SEMA4D: variants seen among roughly 807,000 people sequenced by gnomAD.
SEMA4D encodes semaphorin-4D.
In SEMA4D, 22 loss-of-function variants were observed where a neutral mutation model predicts 74.8. That is an observed-to-expected ratio of 0.29 (90% CI 0.21 to 0.42). The LOEUF is 0.42. SEMA4D is among the 10% of genes least tolerant of loss of function. SEMA4D has a pLI of 1.00. For synonymous variants in SEMA4D, 445 were observed against 463.7 expected, an observed-to-expected ratio of 0.96 and a Z score of 0.52; for missense variants, 937 against 1,118.4, an observed-to-expected ratio of 0.84 and a Z score of 2.31.
In SEMA4D at chr9:89,379,202, A is replaced by G. The variant is rs1836425970; in HGVS notation, c.2091T>C (p.Leu697=). The G allele has an allele frequency of 6.2e-6, 10 of 1,613,660 alleles. No homozygotes were observed. Among genetic ancestry groups the G allele is most frequent in the Non-Finnish European group, 8.5e-6 (10 of 1,179,878 alleles). The part of the protein sequence containing the change: ...VQATSSGAIT[L]PPKPAPTGTS... ...TGCCGGTGGGCGCAGGCTTGGGAGG[A>G]AGGGTGATGGCCCCGGAGGAGGTGG... The change falls in exon 16 of 16, where the codon CTT becomes CTC. Residue 697 remains leucine, a synonymous_variant. Coordinates refer to ENST00000422704, the MANE Select transcript of SEMA4D (RefSeq NM_001371194.2).
chr9:89,371,359 G>GTGTGTGTCTGGGGTGTGGCA (rs1564498012), intron 16 of SEMA4D, among the ~76,000 whole-genome samples: 8 of 129,652 alleles, frequency 6.2e-5, no homozygotes, highest in African/African-American at 1.5e-4. Flanking sequence ...GTGTTGGGGT[G>GTGTGTGTCTGGGGTGTGGCA]TGTGTGTCTG....
At chr9:89,436,450 C>T (rs1160274240) in intron 2 of SEMA4D, 1 of 152,448 alleles carries the variant, frequency 6.6e-6, no homozygotes, top group Non-Finnish European at 1.5e-5. Context: ...TCGCCTGGGA[C>T]GTCTGTCCTG....
intron 1 of SEMA4D, chr9:89,472,259 G>A (rs1037299890): frequency 1.7e-5 from 6 of 356,694 alleles, no homozygotes; most frequent in African/African-American, 8.6e-5. Flanking sequence ...AAGGGCTGGG[G>A]AGTAAAAGTC....
chr9:89,415,975 A>G (rs1845624434), intron 2 of SEMA4D, among the ~76,000 whole-genome samples: 1 of 152,202 alleles, frequency 6.6e-6, no homozygotes, highest in Non-Finnish European at 1.5e-5. Context: ...ATTATATAGA[A>G]AAGTTTTGCT....
intron 1 of SEMA4D, among the ~76,000 whole-genome samples, chr9:89,463,341 C>G (rs996476969): frequency 6.6e-6 from 1 of 152,132 alleles, no homozygotes; most frequent in African/African-American, 2.4e-5. Flanking sequence ...TTAACCAAGC[C>G]CATTCATTTC....
rs906519105 is a variant in SEMA4D, at chr9:89,377,241, A to G, written c.*1463T>C. On this transcript the variant is annotated 3_prime_UTR_variant, in exon 16 of 16. Coordinates refer to ENST00000422704, the MANE Select transcript of SEMA4D (RefSeq NM_001371194.2). ...AAGGAATGTCTTCCCCAAATCAAGG[A>G]TAGAAGCTTCTCATTTATTTGGGTA... 6 of 775,908 alleles carry G rather than the reference A, an allele frequency of 7.7e-6. No homozygotes were observed. Among genetic ancestry groups the G allele is most frequent in the Non-Finnish European group, 9.4e-6 (5 of 531,568 alleles). The allele number at this position is 775,908 out of a possible 1,614,324, so 48.1% of individuals were successfully genotyped here. A position where few individuals can be genotyped will look rare whatever the true frequency, so the allele number is the denominator to read the frequency against.
chr9:89,494,815 A>G lies in SEMA4D; in HGVS notation c.-310+3104T>C, dbSNP rs117061751. 5.3e-5 allele frequency among the ~76,000 whole-genome samples: 8 copies of G among 152,272 alleles called. No homozygotes were observed. In the East Asian group the frequency reaches 1.5e-3, roughly 29 times the overall value. On this transcript the variant is annotated intron_variant, in intron 1 of 15. Coordinates refer to ENST00000422704, the MANE Select transcript of SEMA4D (RefSeq NM_001371194.2). ...CCCACCCCACACTAATCTGAGGCAG[A>G]TCCCAAACATCATTTCATCTACCAA...
chr9:89,412,898 A>C (rs1286180290), intron 2 of SEMA4D, among the ~76,000 whole-genome samples: 1 of 152,184 alleles, frequency 6.6e-6, no homozygotes, highest in Non-Finnish European at 1.5e-5. Context: ...TAAGCAAAGC[A>C]CACACCACAA....
intron 2 of SEMA4D, among the ~76,000 whole-genome samples, chr9:89,442,141 CCCTGG>C (rs1851800424): frequency 7.6e-6 from 1 of 132,166 alleles, no homozygotes; most frequent in Non-Finnish European, 1.6e-5. Context: ...TTCCCTTTTC[CCCTGG>C]CCCAGGACAC....
rs144224296 is a variant in SEMA4D, at chr9:89,393,057, C to T, written c.508+505G>A. On this transcript the variant is annotated intron_variant, in intron 7 of 15. Transcript: ENST00000422704. ...CTCCTGTCCTCCCGCCTGAGCCTCC[C>T]GAGTAGCTAGGACCACAGGTGTGCT... 3.9e-5 allele frequency among the ~76,000 whole-genome samples: 6 copies of T among 152,276 alleles called. No individual in the cohort carries two copies. The East Asian group carries it at 9.6e-4, about 24-fold the overall frequency.
At chr9:89,457,467 T>C (rs530560877) in intron 1 of SEMA4D, among the ~76,000 whole-genome samples, 107 of 152,212 alleles carry the variant, frequency 7.0e-4, no homozygotes, top group Non-Finnish European at 1.4e-3. Context: ...CTGGGCACAG[T>C]GGTTCACGCC....
intron 1 of SEMA4D, among the ~76,000 whole-genome samples, chr9:89,466,459 ACACT>A (rs1858734032): frequency 6.6e-6 from 1 of 152,108 alleles, no homozygotes; most frequent in Non-Finnish European, 1.5e-5. Flanking sequence ...GGACACGCTA[ACACT>A]CACAGGCCAG....
chr9:89,462,954 G>GGGAGGGGAGGGGAGCGAGCGAGGGGA (rs140255496), intron 1 of SEMA4D, among the ~76,000 whole-genome samples: 1,145 of 9,508 alleles, frequency 0.12, 497 homozygotes, highest in Non-Finnish European at 0.13. Flanking sequence ...AAGAAAGGAG[G>GGGAGGGGAGGGGAGCGAGCGAGGGGA]GGGGAGCGAG....
chr9:89,443,129 C>T (rs1327649036), intron 2 of SEMA4D, among the ~76,000 whole-genome samples: 1 of 152,230 alleles, frequency 6.6e-6, no homozygotes, highest in Non-Finnish European at 1.5e-5. Flanking sequence ...GTCCAGAGCC[C>T]AGCCCCATCA....
chr9:89,445,850 G>A (rs1852694167), intron 2 of SEMA4D, among the ~76,000 whole-genome samples: 1 of 152,150 alleles, frequency 6.6e-6, no homozygotes, highest in Non-Finnish European at 1.5e-5. Context: ...CCAGGCCTCA[G>A]GCGGGTTCCC....
intron 6 of SEMA4D, 46 bp downstream of exon 6, chr9:89,396,691 G>A (rs1450505407): frequency 1.3e-6 from 2 of 1,509,510 alleles, no homozygotes; most frequent in Non-Finnish European, 1.8e-6. Flanking sequence ...TACTTTAACT[G>A]CTGACCAGGC....
At chr9:89,384,968 C>T (rs559896463) in intron 13 of SEMA4D, 26 of 985,434 alleles carry the variant, frequency 2.6e-5, no homozygotes, top group East Asian at 1.1e-4. Flanking sequence ...AACTAAGCCA[C>T]GTCCCCACGA....
intron 1 of SEMA4D, among the ~76,000 whole-genome samples, chr9:89,485,924 G>C (rs1378680969): frequency 2.6e-5 from 4 of 151,486 alleles, no homozygotes; most frequent in African/African-American, 9.7e-5. Flanking sequence ...CTTCTTGGCT[G>C]AGCGGCTTCA....
chr9:89,385,708 G>T, intron 13 of SEMA4D: 2 of 464,510 alleles, frequency 4.3e-6, no homozygotes, highest in African/African-American at 2.1e-5. Context: ...CCTGCCAAGG[G>T]TAGGTATCTT....
Sources: allele counts gnomAD v4.1 joint callset (sites outside exome capture counted in the v4.1 genomes callset), GRCh38; gene constraint gnomAD v4.1.1; transcripts MANE v1.5; gene names NCBI Gene and HGNC (gene_info 2026-07-23, HGNC 2026-07-21).